The following GIPC2 variants were observed in gnomAD, a reference collection of about 807,000 sequenced individuals.
GIPC2 encodes GIPC PDZ domain containing family member 2.
A neutral mutation model predicts 30.6 loss-of-function variants in GIPC2; 30 were observed. The ratio of observed to expected loss-of-function variants is 0.98; its 90% CI spans 0.73 to 1.33. The LOEUF is 1.33. Among genes scored for constraint, GIPC2 ranks in the 40% most tolerant of loss-of-function variants. The pLI is 0.00. For missense variants in GIPC2, 414 were observed against 390.3 expected, an observed-to-expected ratio of 1.06 and a Z score of -0.51; for synonymous variants, 167 against 150.0, an observed-to-expected ratio of 1.11 and a Z score of -0.83.
chr1:78,083,269 C>T (rs558609393), intron 2 of GIPC2, among the ~76,000 whole-genome samples: 1 of 151,968 alleles, frequency 6.6e-6, no homozygotes, highest in South Asian at 2.1e-4. Flanking sequence ...ATAGGATGTC[C>T]CTGAATTTGG....
intron 4 of GIPC2, among the ~76,000 whole-genome samples, chr1:78,123,403 G>A (rs1401914184): frequency 6.6e-6 from 1 of 152,030 alleles, no homozygotes; most frequent in Non-Finnish European, 1.5e-5. Context: ...AGATTGGAGT[G>A]TGGGGTGCTG....
At chr1:78,128,050 A>G (rs1256277128) in intron 5 of GIPC2, among the ~76,000 whole-genome samples, 1 of 152,188 alleles carries the variant, frequency 6.6e-6, no homozygotes, top group Non-Finnish European at 1.5e-5. Flanking sequence ...CTGCAACTTA[A>G]AAACATTGGT....
At chr1:78,083,793 AC>A (rs1661875690) in intron 2 of GIPC2, among the ~76,000 whole-genome samples, 1 of 151,850 alleles carries the variant, frequency 6.6e-6, no homozygotes, top group African/African-American at 2.4e-5. Flanking sequence ...GCCTGCAGGA[AC>A]CCCTGTAAGT....
chr1:78,125,451 A>C (rs1301833658), intron 4 of GIPC2, among the ~76,000 whole-genome samples: 1 of 152,192 alleles, frequency 6.6e-6, no homozygotes, highest in East Asian at 1.9e-4. Flanking sequence ...TGGCCTTCCA[A>C]AGTGCTGGGA....
chr1:78,084,699 T>C (rs1009427616), intron 2 of GIPC2, among the ~76,000 whole-genome samples: 1 of 152,168 alleles, frequency 6.6e-6, no homozygotes. Context: ...TTTGTGACAA[T>C]TGTGAATGAG....
At chr1:78,097,929 T>C (rs1208522533) in intron 3 of GIPC2, among the ~76,000 whole-genome samples, 1 of 152,210 alleles carries the variant, frequency 6.6e-6, no homozygotes, top group Non-Finnish European at 1.5e-5. Flanking sequence ...TGTACCCATC[T>C]TGATAATGGG....
intron 3 of GIPC2, among the ~76,000 whole-genome samples, chr1:78,110,388 T>G (rs1303912089): frequency 5.3e-5 from 8 of 152,212 alleles, no homozygotes; most frequent in Non-Finnish European, 1.2e-4. Context: ...TCACCCAATA[T>G]TTAAAAGGTT....
At chr1:78,054,043 C>A (rs1044414564) in intron 1 of GIPC2, among the ~76,000 whole-genome samples, 1 of 152,182 alleles carries the variant, frequency 6.6e-6, no homozygotes, top group African/African-American at 2.4e-5. Context: ...CTGTTCCAAT[C>A]TCACTTCTTA....
chr1:78,050,143 A>C (rs1661169387), intron 1 of GIPC2, among the ~76,000 whole-genome samples: 1 of 151,380 alleles, frequency 6.6e-6, no homozygotes, highest in African/African-American at 2.4e-5. Flanking sequence ...TGATCCGCCC[A>C]CCTCGGCCTC....
intron 2 of GIPC2, chr1:78,091,639 C>G (rs1034832610): frequency 2.6e-6 from 2 of 771,308 alleles, no homozygotes; most frequent in Admixed American, 1.7e-5. Flanking sequence ...TCTGGTTATA[C>G]TGGAGAATAT....
chr1:78,094,541 C>A (rs1346539657), intron 2 of GIPC2, among the ~76,000 whole-genome samples: 1 of 151,822 alleles, frequency 6.6e-6, no homozygotes, highest in Non-Finnish European at 1.5e-5. Context: ...TACAGCAAAA[C>A]GTACTGTAGA....
rs77419274 is a variant in GIPC2, at chr1:78,062,651, G to C, written c.240+16317G>C. ...GCCTCCTAAGTAGCCGGGACCACAGGCGTGCCACAGTGCCCAGCTAATTTT... is the reference window on the plus strand; with the variant it reads ...GCCTCCTAAGTAGCCGGGACCACAGCCGTGCCACAGTGCCCAGCTAATTTT... On this transcript the variant is annotated intron_variant, in intron 1 of 5. Transcript: ENST00000370759. Among the ~76,000 whole-genome samples the C allele has an allele frequency of 1.1e-3, 167 of 151,724 alleles. 1 individual carries two copies. The East Asian group carries it at 0.013, about 12-fold the overall frequency.
At chr1:78,090,067 G>A (rs1305801489) in intron 2 of GIPC2, among the ~76,000 whole-genome samples, 1 of 152,048 alleles carries the variant, frequency 6.6e-6, no homozygotes, top group African/African-American at 2.4e-5. Flanking sequence ...TAACTCATGG[G>A]CCATATAAAA....
chr1:78,046,257 G>A lies in GIPC2; in HGVS notation c.163G>A (p.Gly55Ser), dbSNP rs781465732. 15 of 1,611,220 alleles carry A rather than the reference G, an allele frequency of 9.3e-6. No individual in the cohort carries two copies. In the South Asian group the frequency reaches 1.5e-4, roughly 17 times the overall value. The change falls in exon 1 of 6, where the codon GGC (glycine) becomes AGC (serine). Residue 55 changes from glycine (G) to serine (S), a missense_variant. Transcript: ENST00000370759. ...GCAGCTGGCGCACGGTAGTGCCACG[G>A]GCCGAGTGGAGGGCTTCTCCAGCAT... ...HAQLAHGSAT[G>S]RVEGFSSIQE...
intron 5 of GIPC2, among the ~76,000 whole-genome samples, chr1:78,128,595 T>C (rs1311903628): frequency 6.6e-6 from 1 of 152,232 alleles, no homozygotes; most frequent in Non-Finnish European, 1.5e-5. Flanking sequence ...AGTGGTATTT[T>C]TCCATACAGG....
intron 1 of GIPC2, among the ~76,000 whole-genome samples, chr1:78,062,303 A>C (rs1350986628): frequency 6.6e-6 from 1 of 152,090 alleles, no homozygotes; most frequent in East Asian, 1.9e-4. Context: ...GAAGCTTCTC[A>C]CATTTGATAC....
At chr1:78,104,660 A>G (rs945417909) in intron 3 of GIPC2, among the ~76,000 whole-genome samples, 1 of 152,154 alleles carries the variant, frequency 6.6e-6, no homozygotes, top group Non-Finnish European at 1.5e-5. Context: ...CACTTAGCTA[A>G]AGGGGAGAAG....
chr1:78,053,631 T>A (rs943830543), intron 1 of GIPC2, among the ~76,000 whole-genome samples: 1 of 151,802 alleles, frequency 6.6e-6, no homozygotes, highest in African/African-American at 2.4e-5. Context: ...AGTATTTTAA[T>A]GCTGTGATCA....
chr1:78,096,907 C>T (rs1346737693), intron 3 of GIPC2, among the ~76,000 whole-genome samples: 2 of 152,122 alleles, frequency 1.3e-5, no homozygotes, highest in Non-Finnish European at 2.9e-5. Context: ...ACTCAAGCTG[C>T]TGGTCTTTAT....
Sources: gnomAD v4.1 joint callset for allele counts (sites outside exome capture counted in the v4.1 genomes callset) on GRCh38, gnomAD v4.1.1 for gene constraint, MANE v1.5 for transcripts, NCBI Gene and HGNC (gene_info 2026-07-23, HGNC 2026-07-21) for gene names.